The following RETREG1 variants were observed in gnomAD, a reference collection of about 807,000 sequenced individuals.
RETREG1 encodes the protein family with sequence similarity 134 member B.
In RETREG1, 44 loss-of-function variants were observed where a neutral mutation model predicts 54.8. The observed-to-expected ratio is 0.80, with a 90% CI of 0.63 to 1.03. RETREG1 has a LOEUF of 1.03. RETREG1 is among the 50% of genes least tolerant of loss of function. The pLI, the probability that RETREG1 is intolerant of heterozygous loss-of-function variation, is 0.00. For synonymous variants in RETREG1, 217 were observed against 238.5 expected, an observed-to-expected ratio of 0.91 and a Z score of 0.83; for missense variants, 554 against 605.1, an observed-to-expected ratio of 0.92 and a Z score of 0.89.
chr5:16,573,731 G>GTTTTTTTT (rs1454072189), intron 1 of RETREG1, among the ~76,000 whole-genome samples: 7 of 109,820 alleles, frequency 6.4e-5, no homozygotes, highest in Non-Finnish European at 1.1e-4. Context: ...TTTTGGGTTT[G>GTTTTTTTT]TTTGTTTTTT....
At position 16,478,011 on chromosome 5, in the gene RETREG1, A is replaced by G. The variant is rs162849; in HGVS notation, c.873+23T>C. The G allele has an allele frequency of 0.42, 655,543 of 1,578,128 alleles. 139,972 individuals are homozygous for G. The highest frequency in any genetic ancestry group is 0.47 in the Middle Eastern group (2,770 of 5,938). The stretch of plus-strand genomic sequence containing the variant: ...TTACAGTCAAACCACACAGGAACAA[A>G]TTGAAAACTAAACAAAAAATACCTT... On this transcript the variant is annotated intron_variant, in intron 7 of 8. Coordinates refer to ENST00000306320, the MANE Select transcript of RETREG1 (RefSeq NM_001034850.3).
At chr5:16,571,931 C>A (rs2126633384) in intron 2 of RETREG1, 65 bp downstream of exon 2, 2 of 1,255,936 alleles carry the variant, frequency 1.6e-6, no homozygotes, top group Non-Finnish European at 1.2e-6. Context: ...TATGCCTACA[C>A]AAAGATCAGA....
At chr5:16,544,407 A>G (rs1741334346) in intron 3 of RETREG1, among the ~76,000 whole-genome samples, 2 of 152,230 alleles carry the variant, frequency 1.3e-5, no homozygotes, top group Admixed American at 6.5e-5. Flanking sequence ...TTAAACATCA[A>G]AGGTTTGTCA....
intron 3 of RETREG1, among the ~76,000 whole-genome samples, chr5:16,553,892 A>G (rs1161904806): frequency 1.3e-5 from 2 of 152,172 alleles, no homozygotes; most frequent in Admixed American, 6.5e-5. Context: ...GAACCCAGGG[A>G]TAGGTTGTTG....
At chr5:16,517,564 C>G (rs1354478616) in intron 3 of RETREG1, among the ~76,000 whole-genome samples, 1 of 152,146 alleles carries the variant, frequency 6.6e-6, no homozygotes, top group Non-Finnish European at 1.5e-5. Flanking sequence ...CCTCACCAGA[C>G]AGACTATCAC....
chr5:16,504,740 T>G (rs1421970513), intron 3 of RETREG1, among the ~76,000 whole-genome samples: 1 of 152,218 alleles, frequency 6.6e-6, no homozygotes, highest in Non-Finnish European at 1.5e-5. Context: ...GTGTGAACTT[T>G]GTTTACTTCA....
chr5:16,522,624 T>A (rs1740571825), intron 3 of RETREG1, among the ~76,000 whole-genome samples: 1 of 152,190 alleles, frequency 6.6e-6, no homozygotes, highest in African/African-American at 2.4e-5. Context: ...GTCTCCACGA[T>A]AATTCCTCAT....
intron 3 of RETREG1, among the ~76,000 whole-genome samples, chr5:16,541,739 G>GGAAGGAA (rs1741252409): frequency 1.1e-4 from 11 of 102,254 alleles, no homozygotes; most frequent in African/African-American, 3.2e-4. Context: ...GAGGGAGGGA[G>GGAAGGAA]GGAAGGAAGG....
At chr5:16,580,732 C>T (rs17650584) in intron 1 of RETREG1, among the ~76,000 whole-genome samples, 8,169 of 152,138 alleles carry the variant, frequency 0.054, 237 homozygotes, top group African/African-American at 0.065. Flanking sequence ...GCAGGGCGAT[C>T]GAGTACAGAC....
chr5:16,533,053 T>G (rs576675685), intron 3 of RETREG1, among the ~76,000 whole-genome samples: 1 of 51,742 alleles, frequency 1.9e-5, no homozygotes, highest in African/African-American at 4.3e-5. Context: ...AATATGAACT[T>G]TTTTTTTTTT....
Position 16,478,878 on chromosome 5 carries a change from A to G in RETREG1, c.780T>C (p.Tyr260=), listed in dbSNP as rs1335412965. 3 of 1,612,334 alleles carry G rather than the reference A, an allele frequency of 1.9e-6. No individual in the cohort carries two copies. The highest frequency in any genetic ancestry group is 1.7e-6 in the Non-Finnish European group (2 of 1,178,846). Residue 260 remains tyrosine, a synonymous_variant, in exon 6 of 9, where the codon TAT becomes TAC. Transcript: ENST00000306320. ...ATCTCTCACGTTTCTTCTGATTAATATATTCTCCAATTCCAAAATCCAGTT... is the reference window on the plus strand; with the variant it reads ...ATCTCTCACGTTTCTTCTGATTAATGTATTCTCCAATTCCAAAATCCAGTT... ...LLKLDFGIGE[Y]INQKKRERSE...
chr5:16,497,426 G>A (rs900502851), intron 3 of RETREG1, among the ~76,000 whole-genome samples: 19 of 152,232 alleles, frequency 1.2e-4, no homozygotes, highest in African/African-American at 4.6e-4. Context: ...GATTGGACAT[G>A]TAAAGTATTA....
At chr5:16,607,273 C>G (rs7715272) in intron 1 of RETREG1, among the ~76,000 whole-genome samples, 19,795 of 152,070 alleles carry the variant, frequency 0.13, 1,813 homozygotes, top group African/African-American at 0.25. Context: ...GGGATCTCAC[C>G]TGTTTGTCCG....
At chr5:16,611,740 A>C (rs1325176548) in intron 1 of RETREG1, among the ~76,000 whole-genome samples, 1 of 152,262 alleles carries the variant, frequency 6.6e-6, no homozygotes, top group Non-Finnish European at 1.5e-5. Flanking sequence ...ACAAAGCAGC[A>C]AATAACTGAT....
chr5:16,538,427 G>A (rs1741136471), intron 3 of RETREG1, among the ~76,000 whole-genome samples: 1 of 152,176 alleles, frequency 6.6e-6, no homozygotes, highest in African/African-American at 2.4e-5. Context: ...GATCGCTAAA[G>A]TGAACGGAAT....
intron 3 of RETREG1, among the ~76,000 whole-genome samples, chr5:16,489,060 G>A (rs1237766027): frequency 8.1e-6 from 1 of 123,976 alleles, no homozygotes; most frequent in African/African-American, 3.2e-5. Context: ...TCCAGCCTGG[G>A]CAACAGAGCG....
intron 3 of RETREG1, among the ~76,000 whole-genome samples, chr5:16,537,719 G>A (rs569563765): frequency 7.0e-4 from 107 of 152,050 alleles, no homozygotes; most frequent in African/African-American, 2.4e-3. Flanking sequence ...AGCAAAGGAT[G>A]AAGTGAGGTA....
chr5:16,582,344 C>A (rs764460953), intron 1 of RETREG1, among the ~76,000 whole-genome samples: 1 of 152,100 alleles, frequency 6.6e-6, no homozygotes, highest in Non-Finnish European at 1.5e-5. Flanking sequence ...GGCCTATATT[C>A]GATAAATGTG....
chr5:16,531,246 C>T (rs899716895), intron 3 of RETREG1, among the ~76,000 whole-genome samples: 1 of 152,140 alleles, frequency 6.6e-6, no homozygotes, highest in Admixed American at 6.5e-5. Context: ...AAGTAGAAAC[C>T]TTGCCCAAGG....
Sources: gnomAD v4.1 joint callset for allele counts (sites outside exome capture counted in the v4.1 genomes callset) on GRCh38, gnomAD v4.1.1 for gene constraint, MANE v1.5 for transcripts, NCBI Gene and HGNC (gene_info 2026-07-23, HGNC 2026-07-21) for gene names.